SULT1B1: variants seen among roughly 807,000 people sequenced by gnomAD.
SULT1B1 encodes the protein sulfotransferase 1B1.
In SULT1B1, 28 loss-of-function variants were observed where a neutral mutation model predicts 34.6. The ratio of observed to expected loss-of-function variants is 0.81; its 90% CI spans 0.60 to 1.11. The LOEUF is 1.11. Among genes scored for constraint, SULT1B1 ranks in the 50% least tolerant of loss-of-function variants. The pLI is 0.00. For synonymous variants in SULT1B1, 147 were observed against 110.2 expected (o/e 1.33, Z -2.09); for missense variants, 374 against 352.2 (o/e 1.06, Z -0.50).
chr4:69,730,030 A>G (rs554912741), intron 7 of SULT1B1, among the ~76,000 whole-genome samples: 1 of 152,124 alleles, frequency 6.6e-6, no homozygotes, highest in East Asian at 1.9e-4. Context: ...AAAACTTCTT[A>G]TAAGGTCAAA....
chr4:69,730,451 T>C (rs1359441104), intron 7 of SULT1B1, 50 bp downstream of exon 7: 2 of 1,515,678 alleles, frequency 1.3e-6, no homozygotes, highest in Admixed American at 1.7e-5. Flanking sequence ...TAGCTCATGA[T>C]AATTCATAAG....
chr4:69,730,785 A>T, intron 6 of SULT1B1, 104 bp from the exon 7 acceptor site: 1 of 971,202 alleles, frequency 1.0e-6, no homozygotes, highest in Non-Finnish European at 1.5e-6. Context: ...TCTGAATAGT[A>T]TAGGAAATCC....
chr4:69,752,652 G>A (rs527962529), intron 3 of SULT1B1, among the ~76,000 whole-genome samples: 1 of 152,302 alleles, frequency 6.6e-6, no homozygotes, highest in African/African-American at 2.4e-5. Flanking sequence ...GGCATTTGCT[G>A]TCTGAATTCT....
At chr4:69,756,023 T>G (rs981863094) in intron 1 of SULT1B1, among the ~76,000 whole-genome samples, 1 of 152,124 alleles carries the variant, frequency 6.6e-6, no homozygotes, top group Non-Finnish European at 1.5e-5. Context: ...TTGCTATGTC[T>G]TTGTAATTAC....
chr4:69,747,024 A>T (rs1174344863), intron 4 of SULT1B1, among the ~76,000 whole-genome samples: 1 of 152,122 alleles, frequency 6.6e-6, no homozygotes, highest in Non-Finnish European at 1.5e-5. Flanking sequence ...TAGAGCGAGA[A>T]CCTTTGCTTT....
intron 4 of SULT1B1, among the ~76,000 whole-genome samples, chr4:69,744,372 G>A (rs1158058822): frequency 1.3e-5 from 2 of 152,146 alleles, no homozygotes; most frequent in Non-Finnish European, 2.9e-5. Flanking sequence ...GGTCCTGCCC[G>A]GCCATGCAAA....
In SULT1B1 at chr4:69,725,465, A is replaced by G. The variant is rs185110168; in HGVS notation, c.*1623T>C. The G allele has an allele frequency of 6.6e-6, 1 of 152,328 alleles. No individual in the cohort carries two copies. Among genetic ancestry groups the G allele is most frequent in the East Asian group, 1.9e-4 (1 of 5,184 alleles). The allele number at this position is 152,328 out of a possible 1,614,324, so 9.4% of individuals were successfully genotyped here. A position where few individuals can be genotyped will look rare whatever the true frequency, so the allele number is the denominator to read the frequency against. ...AACCATTGTGGAAGACAGTGTGGCAATTCCTCAGAGATCTAGAACTAGAAA... is the reference window on the plus strand; with the variant it reads ...AACCATTGTGGAAGACAGTGTGGCAGTTCCTCAGAGATCTAGAACTAGAAA... On this transcript the variant is annotated 3_prime_UTR_variant, in exon 8 of 8. Coordinates refer to ENST00000310613, the MANE Select transcript of SULT1B1 (RefSeq NM_014465.4).
At chr4:69,755,724 A>C (rs1719163824) in intron 1 of SULT1B1, among the ~76,000 whole-genome samples, 1 of 152,056 alleles carries the variant, frequency 6.6e-6, no homozygotes, top group Non-Finnish European at 1.5e-5. Context: ...TATTTTGAGC[A>C]AGTAGATTAT....
chr4:69,739,851 GC>G (rs1718473342), intron 4 of SULT1B1, among the ~76,000 whole-genome samples: 1 of 152,166 alleles, frequency 6.6e-6, no homozygotes, highest in Non-Finnish European at 1.5e-5. Flanking sequence ...TAGGGCAGAG[GC>G]AAAATGCTGC....
chr4:69,760,236 C>A (rs1406496500), intron 1 of SULT1B1: 1 of 984,480 alleles, frequency 1.0e-6, no homozygotes, highest in Non-Finnish European at 1.2e-6. Context: ...CCATTCCTTG[C>A]ATGCTTCAGT....
chr4:69,748,362 C>A (rs1578063293), intron 4 of SULT1B1, among the ~76,000 whole-genome samples: 2 of 152,124 alleles, frequency 1.3e-5, no homozygotes, highest in South Asian at 4.2e-4. Context: ...AGCAGAACTT[C>A]AAAATACATG....
At position 69,754,686 on chromosome 4, in the gene SULT1B1, A is replaced by C; in HGVS notation, c.261T>G (p.Pro87=). 1 of 1,613,222 alleles carries C rather than the reference A, an allele frequency of 6.2e-7. No homozygotes were observed. Among genetic ancestry groups the C allele is most frequent in the South Asian group, 1.1e-5 (1 of 91,000 alleles). The change falls in exon 3 of 8, where the codon CCT becomes CCG. Residue 87 remains proline, a synonymous_variant. Transcript: ENST00000310613. ...TAAATTTACCTGATGTTCTTAATCC[A>C]GGGAGAGTCATTTCCAACATTGGAA... is the stretch of plus-strand genomic sequence containing the variant. ...EKVPMLEMTL[P]GLRTSGIEQL...
chr4:69,747,319 G>T (rs1048858135), intron 4 of SULT1B1, among the ~76,000 whole-genome samples: 2 of 152,218 alleles, frequency 1.3e-5, no homozygotes, highest in African/African-American at 4.8e-5. Context: ...CACCAGTAGG[G>T]ATCCATATGC....
rs978303984 is a variant in SULT1B1, at chr4:69,727,116, G to C, written c.863C>G (p.Thr288Ser). Residue 288 changes from threonine (T) to serine (S), a missense_variant, in exon 8 of 8, where the codon ACT becomes AGT. Coordinates refer to ENST00000310613, the MANE Select transcript of SULT1B1 (RefSeq NM_014465.4). ...AATCTCTGTGCGGAATTGAAGTGCA[G>C]TTTTGGACATTTCTGTCTCATAAAT... ...DAIYETEMSK[T>S]ALQFRTEI 7.5e-6 allele frequency: 12 copies of C among 1,609,654 alleles called. No homozygotes were observed. In the African/African-American group the frequency reaches 1.6e-4, roughly 22 times the overall value.
chr4:69,735,895 G>A (rs1718290902), intron 4 of SULT1B1, among the ~76,000 whole-genome samples: 2 of 152,100 alleles, frequency 1.3e-5, no homozygotes, highest in Non-Finnish European at 2.9e-5. Context: ...CAAAAATCAG[G>A]TGAGCACTCA....
intron 4 of SULT1B1, among the ~76,000 whole-genome samples, chr4:69,743,803 G>A (rs1560526634): frequency 1.3e-5 from 2 of 152,224 alleles, no homozygotes; most frequent in Admixed American, 1.3e-4. Context: ...CGAGATTGGA[G>A]TGTGTTCCGC....
chr4:69,737,542 A>G (rs1718366413), intron 4 of SULT1B1, among the ~76,000 whole-genome samples: 1 of 152,208 alleles, frequency 6.6e-6, no homozygotes, highest in South Asian at 2.1e-4. Flanking sequence ...GTACAGGATC[A>G]CTTGGGACCA....
At chr4:69,747,985 A>AG (rs1437661519) in intron 4 of SULT1B1, among the ~76,000 whole-genome samples, 1 of 151,930 alleles carries the variant, frequency 6.6e-6, no homozygotes, top group South Asian at 2.1e-4. Flanking sequence ...GGTCTTTTTC[A>AG]GGGGGAGAAG....
chr4:69,731,918 G>T (rs887886797), intron 6 of SULT1B1, among the ~76,000 whole-genome samples: 1 of 152,174 alleles, frequency 6.6e-6, no homozygotes, highest in Non-Finnish European at 1.5e-5. Context: ...CAAACAGAGA[G>T]AATGTATTTC....
Sources: gnomAD v4.1 joint callset for allele counts (sites outside exome capture counted in the v4.1 genomes callset) on GRCh38, gnomAD v4.1.1 for gene constraint, MANE v1.5 for transcripts, NCBI Gene and HGNC (gene_info 2026-07-23, HGNC 2026-07-21) for gene names.